Variants in XKR4 observed in about 807,000 individuals in gnomAD.
The protein encoded by XKR4 is XK-related protein 4.
A neutral mutation model predicts 53.9 loss-of-function variants in XKR4; 12 were observed. That is an observed-to-expected ratio of 0.22 (90% CI 0.14 to 0.36). The LOEUF (loss-of-function observed/expected upper bound fraction) is 0.36. Among genes scored for constraint, XKR4 ranks in the 10% least tolerant of loss-of-function variants. The pLI is 1.00. For synonymous variants in XKR4, 354 were observed against 362.4 expected (o/e 0.98, Z 0.26); for missense variants, 799 against 859.5 (o/e 0.93, Z 0.88).
intron 1 of XKR4, among the ~76,000 whole-genome samples, chr8:55,109,070 A>T (rs1308026192): frequency 6.6e-6 from 1 of 152,166 alleles, no homozygotes; most frequent in Non-Finnish European, 1.5e-5. Flanking sequence ...GCCCCCTGGG[A>T]CAAAATGGGT....
chr8:55,252,643 A>G (rs1468199565), intron 1 of XKR4, among the ~76,000 whole-genome samples: 1 of 152,236 alleles, frequency 6.6e-6, no homozygotes, highest in African/African-American at 2.4e-5. Context: ...CTTTGACAGA[A>G]CTGGGCCATC....
chr8:55,451,027 G>GCC (rs1391068295), intron 2 of XKR4: 1 of 552,124 alleles, frequency 1.8e-6, no homozygotes, highest in Non-Finnish European at 3.4e-6. Flanking sequence ...GCCTTCACCT[G>GCC]CCGCGCCTGG....
Position 55,102,531 on chromosome 8 carries a change from A to G in XKR4, c.43A>G (p.Ser15Gly). 1 of 1,548,794 alleles carries G rather than the reference A, an allele frequency of 6.5e-7. No homozygotes were observed. The highest frequency in any genetic ancestry group is 1.7e-4 in the Middle Eastern group (1 of 5,834). ...SDGRLKMKKS[S>G]DVAFTPLQNS... ...CGGGAGGCTGAAAATGAAGAAAAGC[A>G]GCGACGTGGCGTTCACCCCGCTGCA... is the stretch of plus-strand genomic sequence containing the variant. The change falls in exon 1 of 3, where the codon AGC becomes GGC. Residue 15 changes from serine (S) to glycine (G), a missense_variant. Ser to Gly is a moderately conservative substitution (Grantham distance 56). Coordinates refer to ENST00000327381, the MANE Select transcript of XKR4 (RefSeq NM_052898.2). The surrounding 1 kb of genome is among the most constrained non-coding windows in gnomAD (Gnocchi z 5.1).
rs940857587 is a variant in XKR4 at position 55,534,209 on chromosome 8, G to A, written c.*9982G>A. 6.6e-6 allele frequency: 1 copy of A among 151,776 alleles called. No homozygotes were observed. Among genetic ancestry groups the A allele is most frequent in the African/African-American group, 2.4e-5 (1 of 41,290 alleles). 9.4% of individuals were successfully genotyped at this position (151,776 alleles called of 1,614,324 possible). A position where few individuals can be genotyped will look rare whatever the true frequency, so the allele number is the denominator to read the frequency against. On this transcript the variant is annotated 3_prime_UTR_variant, in exon 3 of 3. Transcript: ENST00000327381. Reference sequence around the variant, plus strand: ...AGTTTCAGAGGTAAAATCTGCATGGGTGCAGCTACTGAATAATTTGATTCC... The same window carrying A: ...AGTTTCAGAGGTAAAATCTGCATGGATGCAGCTACTGAATAATTTGATTCC...
chr8:55,222,486 T>G (rs1817894748), intron 1 of XKR4, among the ~76,000 whole-genome samples: 2 of 152,216 alleles, frequency 1.3e-5, no homozygotes. Context: ...TGAGGAAGCT[T>G]TTGTCCACCT....
At chr8:55,280,255 C>A (rs1281683821) in intron 1 of XKR4, among the ~76,000 whole-genome samples, 1 of 152,136 alleles carries the variant, frequency 6.6e-6, no homozygotes, top group Non-Finnish European at 1.5e-5. Context: ...TTTCTCTTTC[C>A]TTTGGCTCAA....
intron 2 of XKR4, among the ~76,000 whole-genome samples, chr8:55,378,270 G>A (rs1359503109): frequency 6.6e-6 from 1 of 152,220 alleles, no homozygotes; most frequent in East Asian, 1.9e-4. Flanking sequence ...AAAAAAGCAA[G>A]TTCTTAATGG....
At chr8:55,518,157 C>T (rs1224231444) in intron 2 of XKR4, among the ~76,000 whole-genome samples, 1 of 152,204 alleles carries the variant, frequency 6.6e-6, no homozygotes, top group Non-Finnish European at 1.5e-5. Context: ...TCCTACGAAG[C>T]GTGCTCTGGG....
intron 2 of XKR4, among the ~76,000 whole-genome samples, chr8:55,484,800 T>C (rs1437212711): frequency 1.3e-5 from 2 of 152,252 alleles, no homozygotes; most frequent in East Asian, 3.8e-4. Flanking sequence ...GAATTCTTTC[T>C]CTTTGCCTGT....
At chr8:55,283,997 A>G (rs979190416) in intron 1 of XKR4, among the ~76,000 whole-genome samples, 2 of 152,228 alleles carry the variant, frequency 1.3e-5, no homozygotes, top group Non-Finnish European at 2.9e-5. Flanking sequence ...ACATTGAAGG[A>G]TGGATCACAG....
rs1227159655 is a variant in XKR4 at position 55,536,872 on chromosome 8, T to G, written c.*12645T>G. On this transcript the variant is annotated 3_prime_UTR_variant, in exon 3 of 3. Transcript: ENST00000327381. Reference sequence around the variant, plus strand: ...TCTTTGCTATCTTTCATAAATTGTATCATTGCTCTTCTGCTGTTCATATCA... The same window carrying G: ...TCTTTGCTATCTTTCATAAATTGTAGCATTGCTCTTCTGCTGTTCATATCA... 6.6e-6 allele frequency: 1 copy of G among 152,246 alleles called. No homozygotes were observed. The highest frequency in any genetic ancestry group is 1.5e-5 in the Non-Finnish European group (1 of 68,050). The allele number at this position is 152,246 out of a possible 1,614,324, so 9.4% of individuals were successfully genotyped here.
intron 2 of XKR4, among the ~76,000 whole-genome samples, chr8:55,520,302 A>C (rs1346737488): frequency 6.6e-6 from 1 of 152,248 alleles, no homozygotes; most frequent in Non-Finnish European, 1.5e-5. Flanking sequence ...TAATCAAAGG[A>C]AGCCCCAGCA....
At chr8:55,146,135 A>G (rs546052432) in intron 1 of XKR4, among the ~76,000 whole-genome samples, 1 of 152,346 alleles carries the variant, frequency 6.6e-6, no homozygotes, top group South Asian at 2.1e-4. Context: ...TTTATGTTTC[A>G]TAATTTGACT....
intron 2 of XKR4, among the ~76,000 whole-genome samples, chr8:55,363,413 GTCTTGCATCCTA>G (rs1230205613): frequency 2.0e-5 from 3 of 152,148 alleles, no homozygotes; most frequent in African/African-American, 7.2e-5. Context: ...TTCCTCTCCT[GTCTTGCATCCTA>G]TGAGGCTCCA....
intron 1 of XKR4, among the ~76,000 whole-genome samples, chr8:55,274,003 T>C (rs1287550615): frequency 1.3e-5 from 2 of 152,190 alleles, no homozygotes; most frequent in Non-Finnish European, 2.9e-5. Flanking sequence ...AATGGAAGAA[T>C]ACAGGAATGA....
At chr8:55,404,250 T>A (rs1804653821) in intron 2 of XKR4, among the ~76,000 whole-genome samples, 1 of 152,046 alleles carries the variant, frequency 6.6e-6, no homozygotes, top group African/African-American at 2.4e-5. Flanking sequence ...GAGAGATAGG[T>A]AGATAGATGA....
chr8:55,128,065 G>A (rs1816498450), intron 1 of XKR4, among the ~76,000 whole-genome samples: 1 of 152,094 alleles, frequency 6.6e-6, no homozygotes, highest in Non-Finnish European at 1.5e-5. Flanking sequence ...CTTTATAGCA[G>A]CATGATTTAT....
intron 1 of XKR4, among the ~76,000 whole-genome samples, chr8:55,250,247 A>G (rs1163003894): frequency 6.6e-6 from 1 of 152,200 alleles, no homozygotes; most frequent in Non-Finnish European, 1.5e-5. Context: ...TTTTCTTTTC[A>G]AAAGGGCTGC....
intron 1 of XKR4, among the ~76,000 whole-genome samples, chr8:55,245,247 T>C (rs1304848405): frequency 6.6e-6 from 1 of 152,132 alleles, no homozygotes; most frequent in Non-Finnish European, 1.5e-5. Context: ...TGCTTGCTAG[T>C]TGGTTTAAGT....
Sources: gnomAD v4.1 joint callset for allele counts (sites outside exome capture counted in the v4.1 genomes callset) on GRCh38, gnomAD v4.1.1 for gene constraint, Gnocchi (gnomAD v3.1) non-coding constraint, MANE v1.5 for transcripts, NCBI Gene and HGNC (gene_info 2026-07-23, HGNC 2026-07-21) for gene names.